ELMO1: variants seen among roughly 807,000 people sequenced by gnomAD.
The protein encoded by ELMO1 is engulfment and cell motility protein 1.
ELMO1 carries 26 observed loss-of-function variants against 98.9 expected under a neutral mutation model. That is an observed-to-expected ratio of 0.26 (90% CI 0.19 to 0.36). The LOEUF is 0.36. ELMO1 is among the 10% of genes least tolerant of loss of function. The pLI, the probability that ELMO1 is intolerant of heterozygous loss-of-function variation, is 1.00. For missense variants in ELMO1, 627 were observed against 935.2 expected (o/e 0.67, Z 4.30); for synonymous variants, 346 against 346.0 (o/e 1.00, Z 0.00).
rs754527922 is a variant in ELMO1 at position 36,878,077 on chromosome 7, G to A, written c.1755C>T (p.Val585=). The change falls in exon 19 of 22, where the codon GTC becomes GTT. Residue 585 remains valine (V), a synonymous_variant. Transcript: ENST00000310758. The stretch of plus-strand genomic sequence containing the variant: ...TCTCTTCTAAGTCTCCGTAATGCAG[G>A]ACTTTGTGATTTGGCGAAAGCCGAC... ...WYCRLSPNHK[V]LHYGDLEESP... is the part of the protein sequence containing the mutation. 3.1e-6 allele frequency: 5 copies of A among 1,614,084 alleles called. No individual in the cohort carries two copies. Among genetic ancestry groups the A allele is most frequent in the Admixed American group, 1.7e-5 (1 of 60,028 alleles).
chr7:37,054,779 C>CAGTA (rs1465572136), intron 15 of ELMO1, among the ~76,000 whole-genome samples: 1 of 152,180 alleles, frequency 6.6e-6, no homozygotes, highest in African/African-American at 2.4e-5. Context: ...TGCATGCCTA[C>CAGTA]AGTAATTCAG....
intron 8 of ELMO1, among the ~76,000 whole-genome samples, chr7:37,231,004 T>C (rs1388084577): frequency 6.6e-6 from 1 of 152,216 alleles, no homozygotes; most frequent in East Asian, 1.9e-4. Context: ...TTAATGGCAA[T>C]TCCAACAGTT....
chr7:37,298,328 G>A (rs1487128662), intron 4 of ELMO1, among the ~76,000 whole-genome samples: 1 of 116,150 alleles, frequency 8.6e-6, no homozygotes, highest in African/African-American at 3.2e-5. Flanking sequence ...TATACTTTAA[G>A]TTTTAGGGTA....
Position 37,307,971 on chromosome 7 carries a change from C to G in ELMO1, c.192+6879G>C, listed in dbSNP as rs182975216. ...CTACTAAAAATACAAAAATTAGCCG[C>G]GCATGGTGGCACATGCCTGTAATCC... On this transcript the variant is annotated intron_variant, in intron 4 of 21. Transcript: ENST00000310758. Among the ~76,000 whole-genome samples the G allele has an allele frequency of 7.8e-3, 1,184 of 152,038 alleles. 13 individuals carry two copies. The highest frequency in any genetic ancestry group is 0.023 in the African/African-American group (960 of 41,464).
At chr7:37,140,554 G>C (rs1339683504) in intron 13 of ELMO1, among the ~76,000 whole-genome samples, 5 of 152,114 alleles carry the variant, frequency 3.3e-5, no homozygotes, top group African/African-American at 4.8e-5. Flanking sequence ...TAACTAAAAA[G>C]CTTCTGCACA....
At chr7:37,325,193 C>T (rs780337431) in intron 2 of ELMO1, among the ~76,000 whole-genome samples, 36 of 152,290 alleles carry the variant, frequency 2.4e-4, no homozygotes, top group Middle Eastern at 3.4e-3. Flanking sequence ...CTCCAGCCCC[C>T]GATGCTGCCT....
chr7:36,899,213 ATTTT>A (rs1013141649), intron 16 of ELMO1, among the ~76,000 whole-genome samples: 2 of 152,048 alleles, frequency 1.3e-5, no homozygotes, highest in Non-Finnish European at 2.9e-5. Flanking sequence ...AAAAATTTGG[ATTTT>A]TTTGTTTCTG....
chr7:36,884,032 T>C (rs755907507), intron 18 of ELMO1, among the ~76,000 whole-genome samples: 7 of 152,116 alleles, frequency 4.6e-5, no homozygotes, highest in Non-Finnish European at 8.8e-5. Context: ...CTTAGAAATA[T>C]ACATTCTGGC....
At chr7:36,958,889 A>G (rs1483096259) in intron 16 of ELMO1, among the ~76,000 whole-genome samples, 1 of 151,730 alleles carries the variant, frequency 6.6e-6, no homozygotes, top group Non-Finnish European at 1.5e-5. Context: ...ACAACTACAA[A>G]TTATGTCTCT....
At chr7:37,044,060 G>A (rs182075735) in intron 15 of ELMO1, among the ~76,000 whole-genome samples, 21 of 152,318 alleles carry the variant, frequency 1.4e-4, no homozygotes, top group Admixed American at 2.6e-4. Context: ...AAAAGCTCTA[G>A]AGCCCACTCA....
At chr7:36,900,546 A>T (rs12540157) in intron 16 of ELMO1, among the ~76,000 whole-genome samples, 16,502 of 152,228 alleles carry the variant, frequency 0.11, 1,172 homozygotes, top group Admixed American at 0.16. Flanking sequence ...TGGCCGTGGG[A>T]TGGCATCTTA....
chr7:36,913,222 C>T (rs1784457549), intron 16 of ELMO1, among the ~76,000 whole-genome samples: 2 of 152,150 alleles, frequency 1.3e-5, no homozygotes, highest in South Asian at 2.1e-4. Context: ...TAGTATGTGG[C>T]AAGTACCCAG....
chr7:37,061,947 T>C (rs1414696789), intron 15 of ELMO1, among the ~76,000 whole-genome samples: 1 of 152,190 alleles, frequency 6.6e-6, no homozygotes, highest in Non-Finnish European at 1.5e-5. Flanking sequence ...GAAAGGCAAC[T>C]CGTGACTTTG....
chr7:37,380,506 G>C (rs1802538665), intron 1 of ELMO1, among the ~76,000 whole-genome samples: 1 of 152,198 alleles, frequency 6.6e-6, no homozygotes, highest in East Asian at 1.9e-4. Context: ...TTGTTTACAT[G>C]TGTTGCCCTG....
At chr7:36,909,615 C>T (rs1584352910) in intron 16 of ELMO1, among the ~76,000 whole-genome samples, 1 of 152,294 alleles carries the variant, frequency 6.6e-6, no homozygotes, top group African/African-American at 2.4e-5. Flanking sequence ...TGGGCTTGTA[C>T]GTACAGGTAC....
chr7:37,073,035 AT>A (rs1236343909), intron 15 of ELMO1, among the ~76,000 whole-genome samples: 1 of 152,236 alleles, frequency 6.6e-6, no homozygotes, highest in Admixed American at 6.5e-5. Context: ...CTAAGTAACT[AT>A]ACATACATGC....
chr7:37,122,673 C>A (rs1016558691), intron 14 of ELMO1, among the ~76,000 whole-genome samples: 1 of 152,142 alleles, frequency 6.6e-6, no homozygotes, highest in Admixed American at 6.5e-5. Flanking sequence ...TAGACTCCCA[C>A]ACAATAATAA....
At chr7:36,929,145 T>A (rs1325561654) in intron 16 of ELMO1, among the ~76,000 whole-genome samples, 1 of 152,218 alleles carries the variant, frequency 6.6e-6, no homozygotes, top group Non-Finnish European at 1.5e-5. Context: ...CTGCCTCTAA[T>A]GGGGTAAGCT....
In ELMO1 at chr7:37,079,356, T is replaced by C. The variant is rs112221966; in HGVS notation, c.1300+17263A>G. On this transcript the variant is annotated intron_variant, in intron 15 of 21. Transcript: ENST00000310758. ...CAGTTTGTTTTCAATGTCTAACTTG[T>C]TGATTAGAAACAGACACTCTTGAAA... Among the ~76,000 whole-genome samples the C allele has an allele frequency of 1.9e-3, 282 of 152,350 alleles. 1 individual carries two copies. Among genetic ancestry groups the C allele is most frequent in the African/African-American group, 5.2e-3 (217 of 41,582 alleles).
Sources: gnomAD v4.1 joint callset for allele counts (sites outside exome capture counted in the v4.1 genomes callset) on GRCh38, gnomAD v4.1.1 for gene constraint, MANE v1.5 for transcripts, NCBI Gene and HGNC (gene_info 2026-07-23, HGNC 2026-07-21) for gene names.